The following SETBP1 variants were observed in gnomAD, a reference collection of about 807,000 sequenced individuals.
SETBP1 encodes SET-binding protein.
SETBP1 carries 9 observed loss-of-function variants against 101.0 expected under a neutral mutation model. That is an observed-to-expected ratio of 0.09 (90% CI 0.05 to 0.16). SETBP1 has a LOEUF of 0.16. Among genes scored for constraint, SETBP1 ranks in the 10% least tolerant of loss-of-function variants. SETBP1 has a pLI of 1.00. For missense variants in SETBP1, 1,858 were observed against 2,033.8 expected, an observed-to-expected ratio of 0.91 and a Z score of 1.66; for synonymous variants, 818 against 788.5, an observed-to-expected ratio of 1.04 and a Z score of -0.63.
intron 1 of SETBP1, among the ~76,000 whole-genome samples, chr18:44,694,066 GT>G (rs1381564507): frequency 6.6e-6 from 1 of 152,188 alleles, no homozygotes; most frequent in Non-Finnish European, 1.5e-5. Flanking sequence ...CTGTTCAGCT[GT>G]TTTTGTGAAT....
At chr18:44,905,285 T>C (rs2070146415) in intron 3 of SETBP1, among the ~76,000 whole-genome samples, 1 of 152,084 alleles carries the variant, frequency 6.6e-6, no homozygotes, top group South Asian at 2.1e-4. Flanking sequence ...ATGTTTGTCC[T>C]GGGCAAAAAA....
At chr18:44,972,077 T>A (rs2071876432) in intron 4 of SETBP1, among the ~76,000 whole-genome samples, 1 of 152,242 alleles carries the variant, frequency 6.6e-6, no homozygotes, top group Admixed American at 6.5e-5. Flanking sequence ...GGGATCCAGT[T>A]TCAGCTTTCT....
At chr18:44,866,163 C>A (rs1410758174) in intron 2 of SETBP1, among the ~76,000 whole-genome samples, 2 of 152,230 alleles carry the variant, frequency 1.3e-5, no homozygotes, top group Non-Finnish European at 2.9e-5. Context: ...AATTTCTACA[C>A]TGAAACACCA....
At chr18:44,866,499 T>G (rs1225047969) in intron 2 of SETBP1, among the ~76,000 whole-genome samples, 2 of 152,194 alleles carry the variant, frequency 1.3e-5, no homozygotes, top group African/African-American at 4.8e-5. Flanking sequence ...TATGCAAAAT[T>G]TACATAAGAT....
chr18:44,922,737 C>T (rs1290535022), intron 3 of SETBP1, among the ~76,000 whole-genome samples: 4 of 152,182 alleles, frequency 2.6e-5, no homozygotes, highest in African/African-American at 9.7e-5. Context: ...GCATTGCTAA[C>T]CTCTCATCTC....
chr18:44,982,593 A>G lies in SETBP1; in HGVS notation c.4000+29253A>G, dbSNP rs1481380306. Among the ~76,000 whole-genome samples the G allele has an allele frequency of 8.5e-5, 13 of 152,236 alleles. 1 individual carries two copies. Among genetic ancestry groups the G allele is most frequent in the Admixed American group, 8.5e-4 (13 of 15,284 alleles). On this transcript the variant is annotated intron_variant, in intron 4 of 5. Transcript: ENST00000649279. ...AGTAAAATAACAGATTTAGTGAGTG[A>G]TAAGCGAAGTAGTCATCAACATAGA... is the stretch of plus-strand genomic sequence containing the variant.
At chr18:44,764,878 GC>G (rs2070733683) in intron 2 of SETBP1, among the ~76,000 whole-genome samples, 1 of 152,184 alleles carries the variant, frequency 6.6e-6, no homozygotes, top group South Asian at 2.1e-4. Context: ...TAGAGTGGAA[GC>G]TTTTTGAGGG....
At chr18:44,998,749 A>C (rs926314824) in intron 4 of SETBP1, among the ~76,000 whole-genome samples, 1 of 152,176 alleles carries the variant, frequency 6.6e-6, no homozygotes, top group South Asian at 2.1e-4. Flanking sequence ...ATCCACAGGG[A>C]TGTTGGTTTA....
At chr18:44,920,208 G>A (rs1300620644) in intron 3 of SETBP1, among the ~76,000 whole-genome samples, 2 of 152,136 alleles carry the variant, frequency 1.3e-5, no homozygotes, top group Non-Finnish European at 2.9e-5. Flanking sequence ...AAGAGTAGGA[G>A]AGAGTGAACC....
At chr18:44,986,386 G>A (rs2072234281) in intron 4 of SETBP1, 1 of 152,118 alleles carries the variant, frequency 6.6e-6, no homozygotes, top group Non-Finnish European at 1.5e-5. Context: ...TGATTGTGAA[G>A]GCCTAGGACA....
Position 45,015,050 on chromosome 18 carries a change from G to C in SETBP1, c.4001-23435G>C, listed in dbSNP as rs111534263. ...CATCAGGGGATTCCTGATCAGTGGCGAGCATGCCAGGGCTTGGGGAGGATG... is the reference window on the plus strand; with the variant it reads ...CATCAGGGGATTCCTGATCAGTGGCCAGCATGCCAGGGCTTGGGGAGGATG... On this transcript the variant is annotated intron_variant, in intron 4 of 5. Coordinates refer to ENST00000649279, the MANE Select transcript of SETBP1 (RefSeq NM_015559.3). Among the ~76,000 whole-genome samples the C allele has an allele frequency of 3.9e-3, 587 of 152,254 alleles. 5 individuals are homozygous for C. In the Middle Eastern group the frequency reaches 0.041, roughly 11 times the overall value.
At chr18:44,729,355 G>C (rs1027771964) in intron 2 of SETBP1, among the ~76,000 whole-genome samples, 3 of 152,210 alleles carry the variant, frequency 2.0e-5, no homozygotes, top group Admixed American at 2.0e-4. Context: ...TTGACATAAC[G>C]TAGGTGAGAA....
intron 3 of SETBP1, among the ~76,000 whole-genome samples, chr18:44,927,651 T>C (rs987845324): frequency 2.0e-5 from 3 of 152,192 alleles, no homozygotes; most frequent in Admixed American, 2.0e-4. Flanking sequence ...AATGTGGCAG[T>C]AACCAGAGCC....
chr18:44,796,432 C>A (rs964230170), intron 2 of SETBP1, among the ~76,000 whole-genome samples: 1 of 152,160 alleles, frequency 6.6e-6, no homozygotes, highest in Admixed American at 6.5e-5. Flanking sequence ...ACTGAATGCA[C>A]GTAAGAATGA....
intron 2 of SETBP1, among the ~76,000 whole-genome samples, chr18:44,750,855 T>C (rs1366779933): frequency 1.3e-5 from 2 of 152,154 alleles, no homozygotes; most frequent in Non-Finnish European, 2.9e-5. Context: ...GTGTGTAGGG[T>C]ACTGACAGTC....
intron 2 of SETBP1, among the ~76,000 whole-genome samples, chr18:44,842,636 C>G (rs1289364365): frequency 6.6e-6 from 1 of 152,154 alleles, no homozygotes; most frequent in Non-Finnish European, 1.5e-5. Flanking sequence ...TCTACAGATT[C>G]GCAAAAGGGA....
chr18:44,847,760 G>A (rs1239163379), intron 2 of SETBP1, among the ~76,000 whole-genome samples: 3 of 152,158 alleles, frequency 2.0e-5, no homozygotes, highest in African/African-American at 7.2e-5. Flanking sequence ...AGAATAAAAT[G>A]CCAGTTAGAG....
intron 3 of SETBP1, among the ~76,000 whole-genome samples, chr18:44,911,763 T>A (rs1248891969): frequency 6.6e-6 from 1 of 152,176 alleles, no homozygotes; most frequent in East Asian, 1.9e-4. Context: ...CACCACCCCA[T>A]ACCTGTTCCC....
intron 2 of SETBP1, among the ~76,000 whole-genome samples, chr18:44,787,628 G>A (rs1158512304): frequency 3.3e-5 from 5 of 151,246 alleles, no homozygotes; most frequent in African/African-American, 1.2e-4. Context: ...GCCGAGGCGG[G>A]TGGATCATGA....
Sources: gnomAD v4.1 joint callset for allele counts (sites outside exome capture counted in the v4.1 genomes callset) on GRCh38, gnomAD v4.1.1 for gene constraint, MANE v1.5 for transcripts, NCBI Gene and HGNC (gene_info 2026-07-23, HGNC 2026-07-21) for gene names.